The following KIRREL1 variants were observed in gnomAD, a reference collection of about 807,000 sequenced individuals.
The protein encoded by KIRREL1 is kirre like nephrin family adhesion molecule 1.
Under a neutral mutation model 83.3 loss-of-function variants are expected in KIRREL1, and 25 were observed. The observed-to-expected ratio is 0.30, with a 90% confidence interval of 0.22 to 0.42. KIRREL1 has a LOEUF of 0.42. KIRREL1 is among the 10% of genes least tolerant of loss of function. The pLI is 1.00. For synonymous variants in KIRREL1, 388 were observed against 410.4 expected, an observed-to-expected ratio of 0.95 and a Z score of 0.66; for missense variants, 812 against 1,032.3, an observed-to-expected ratio of 0.79 and a Z score of 2.92.
At chr1:158,000,525 C>T (rs960822246) in intron 1 of KIRREL1, among the ~76,000 whole-genome samples, 4 of 152,246 alleles carry the variant, frequency 2.6e-5, no homozygotes, top group East Asian at 1.9e-4. Flanking sequence ...TACCTTCCTA[C>T]GTCTGATTGT....
intron 1 of KIRREL1, among the ~76,000 whole-genome samples, chr1:158,027,059 T>TCAACACAAC (rs1660193478): frequency 6.6e-6 from 1 of 152,120 alleles, no homozygotes; most frequent in Non-Finnish European, 1.5e-5. Context: ...GGTTGAGGGC[T>TCAACACAAC]CAGTCCCACA....
At position 158,094,148 on chromosome 1, in the gene KIRREL1, C is replaced by G. The variant is rs1264021388; in HGVS notation, c.1720-165C>G. On this transcript the variant is annotated intron_variant, in intron 13 of 14. Transcript: ENST00000359209. The surrounding 1 kb of genome is among the most constrained non-coding windows in gnomAD (Gnocchi z 4.6). Reference sequence around the variant, plus strand: ...CTCGAACCAAGGTCTCTGGCCTCTTCCCACCACATCCCAGAGCCTCTGCTG... The same window carrying G: ...CTCGAACCAAGGTCTCTGGCCTCTTGCCACCACATCCCAGAGCCTCTGCTG... Among the ~76,000 whole-genome samples, 1 of 152,204 alleles carries G rather than the reference C, an allele frequency of 6.6e-6. No individual in the cohort carries two copies. The highest frequency in any genetic ancestry group is 1.5e-5 in the Non-Finnish European group (1 of 68,028).
intron 1 of KIRREL1, among the ~76,000 whole-genome samples, chr1:158,002,509 G>GC (rs1370205309): frequency 6.6e-6 from 1 of 152,180 alleles, no homozygotes; most frequent in Non-Finnish European, 1.5e-5. Context: ...GGTCCCACCA[G>GC]GGGGGGTGAG....
At chr1:158,067,994 C>T (rs55801940) in intron 1 of KIRREL1, among the ~76,000 whole-genome samples, 7,095 of 152,192 alleles carry the variant, frequency 0.047, 272 homozygotes, top group Non-Finnish European at 0.067. Flanking sequence ...GCCTTAGAGA[C>T]GGACAGAAGG....
intron 1 of KIRREL1, among the ~76,000 whole-genome samples, chr1:158,013,442 C>T (rs968144646): frequency 6.6e-6 from 1 of 152,220 alleles, no homozygotes; most frequent in African/African-American, 2.4e-5. Flanking sequence ...TAAAAGCAGA[C>T]TCCTTGTGAT....
chr1:158,000,595 G>A (rs1436300883), intron 1 of KIRREL1, among the ~76,000 whole-genome samples: 3 of 152,158 alleles, frequency 2.0e-5, no homozygotes, highest in African/African-American at 4.8e-5. Flanking sequence ...GCTGTAGCTC[G>A]CAGACATCAC....
rs1316768533 is a variant in KIRREL1 at position 158,096,826 on chromosome 1, G to A, written c.*1706G>A. 1 of 456,690 alleles carries A rather than the reference G, an allele frequency of 2.2e-6. No individual in the cohort carries two copies. Among genetic ancestry groups the A allele is most frequent in the Non-Finnish European group, 4.4e-6 (1 of 226,962 alleles). 28.3% of individuals were successfully genotyped at this position (456,690 alleles called of 1,614,324 possible). A position where few individuals can be genotyped will look rare whatever the true frequency, so the allele number is the denominator to read the frequency against. On this transcript the variant is annotated 3_prime_UTR_variant, in exon 15 of 15. Transcript: ENST00000359209. ...CCTCCCCAGCTGCATGTCCAGCCCAGTGGGAGACAGGGCCTCTGGTGCAGT... is the reference window on the plus strand; with the variant it reads ...CCTCCCCAGCTGCATGTCCAGCCCAATGGGAGACAGGGCCTCTGGTGCAGT...
At chr1:158,040,170 C>T (rs1570940547) in intron 1 of KIRREL1, among the ~76,000 whole-genome samples, 2 of 152,226 alleles carry the variant, frequency 1.3e-5, no homozygotes, top group Non-Finnish European at 2.9e-5. Flanking sequence ...CATGCATTCA[C>T]TCACTTGTTT....
At chr1:158,059,626 A>G (rs1661157590) in intron 1 of KIRREL1, among the ~76,000 whole-genome samples, 1 of 152,042 alleles carries the variant, frequency 6.6e-6, no homozygotes, top group African/African-American at 2.4e-5. Context: ...GGCCTTTAGG[A>G]TTAGGGTAGG....
chr1:158,016,254 A>C (rs535379202), intron 1 of KIRREL1, among the ~76,000 whole-genome samples: 27 of 152,168 alleles, frequency 1.8e-4, no homozygotes, highest in African/African-American at 6.5e-4. Flanking sequence ...CAGTGAGCCG[A>C]GATCGTGCCA....
At chr1:158,050,597 A>AGC (rs1035263466) in intron 1 of KIRREL1, among the ~76,000 whole-genome samples, 1 of 152,172 alleles carries the variant, frequency 6.6e-6, no homozygotes, top group Admixed American at 6.5e-5. Context: ...GGGACCACTG[A>AGC]GCACTGCAGT....
Position 158,094,652 on chromosome 1 carries a change from CA to C in KIRREL1, c.1808del (p.Asn603MetfsTer235), listed in dbSNP as rs1164510943. 1 of 1,595,106 alleles carries C rather than the reference CA, an allele frequency of 6.3e-7. No individual in the cohort carries two copies. The highest frequency in any genetic ancestry group is 1.3e-5 in the African/African-American group (1 of 74,720). On this transcript the variant is annotated frameshift_variant, in exon 15 of 15. Coordinates refer to ENST00000359209, the MANE Select transcript of KIRREL1 (RefSeq NM_018240.7). LOFTEE classifies it high-confidence loss of function. This position sits in a 1 kb window ranked among gnomAD's most constrained non-coding sequence, Gnocchi z 4.6. ...REEYEMKDPTNGYYNVRAHED... is the reference protein window; with the variant it reads ...REEYEMKDPTXGYYNVRAHED... Reference sequence around the variant, plus strand: ...TCTCTCATTGCCCCCAGGACCCCACCAATGGCTACTACAACGTGCGTGCCCA... The same window carrying C: ...TCTCTCATTGCCCCCAGGACCCCACCATGGCTACTACAACGTGCGTGCCCA...
At chr1:158,063,605 G>A (rs1661275784) in intron 1 of KIRREL1, among the ~76,000 whole-genome samples, 2 of 152,060 alleles carry the variant, frequency 1.3e-5, no homozygotes, top group Admixed American at 1.3e-4. Context: ...CAAGCACACT[G>A]TTTGGCTTCC....
intron 7 of KIRREL1, 39 bp downstream of exon 7, chr1:158,088,193 G>T (rs943731208): frequency 2.5e-6 from 4 of 1,613,586 alleles, no homozygotes; most frequent in Non-Finnish European, 3.4e-6. Flanking sequence ...ACAGAGAGCA[G>T]GGGCCCCCAA....
chr1:158,090,165 C>T (rs1662152729), intron 10 of KIRREL1, among the ~76,000 whole-genome samples: 1 of 152,078 alleles, frequency 6.6e-6, no homozygotes, highest in South Asian at 2.1e-4. Flanking sequence ...CCCACTCTCT[C>T]CCCTGGGCTA....
intron 1 of KIRREL1, among the ~76,000 whole-genome samples, chr1:158,003,535 C>T (rs1659426797): frequency 6.6e-6 from 1 of 152,166 alleles, no homozygotes; most frequent in African/African-American, 2.4e-5. Flanking sequence ...ATGGGGGACT[C>T]CCAGAGGTCC....
In KIRREL1 at chr1:158,097,488, A is replaced by G. The variant is rs138639546; in HGVS notation, c.*2368A>G. 19 of 197,862 alleles carry G rather than the reference A, an allele frequency of 9.6e-5. No individual in the cohort carries two copies. Among genetic ancestry groups the G allele is most frequent in the Middle Eastern group, 2.4e-3 (1 of 424 alleles). The allele number at this position is 197,862 out of a possible 1,614,324, so 12.3% of individuals were successfully genotyped here. On this transcript the variant is annotated 3_prime_UTR_variant, in exon 15 of 15. Transcript: ENST00000359209. Reference sequence around the variant, plus strand: ...GGAGAATTGTTGAGAAAGGAAGCCTAGTTTCCAGAAGCCTGACACAGAGCT... The same window carrying G: ...GGAGAATTGTTGAGAAAGGAAGCCTGGTTTCCAGAAGCCTGACACAGAGCT...
intron 1 of KIRREL1, among the ~76,000 whole-genome samples, chr1:158,059,695 G>A (rs1267339112): frequency 6.6e-6 from 1 of 152,154 alleles, no homozygotes; most frequent in Non-Finnish European, 1.5e-5. Flanking sequence ...AGGGTAGGCA[G>A]GGGTGGGGGC....
intron 1 of KIRREL1, among the ~76,000 whole-genome samples, chr1:158,016,756 C>T (rs1247462658): frequency 1.3e-5 from 2 of 152,124 alleles, no homozygotes; most frequent in South Asian, 2.1e-4. Flanking sequence ...GAGGAACCTA[C>T]GTGTGAGTAA....
Sources: allele counts gnomAD v4.1 joint callset (sites outside exome capture counted in the v4.1 genomes callset), GRCh38; gene constraint gnomAD v4.1.1; non-coding constraint Gnocchi (gnomAD v3.1); transcripts MANE v1.5; gene names NCBI Gene and HGNC (gene_info 2026-07-23, HGNC 2026-07-21).